Variants in QTMAN observed in about 807,000 individuals in gnomAD.
QTMAN encodes the protein tRNA-queuosine alpha-mannosyltransferase.
chr2:144,170,310 G>A, the QTMAN span, among the ~76,000 whole-genome samples: 1 of 152,152 alleles, frequency 6.6e-6, no homozygotes, highest in Non-Finnish European at 1.5e-5. Context: ...CAGTGTCCTG[G>A]ATGCTGGCAG....
the QTMAN span, among the ~76,000 whole-genome samples, chr2:144,274,502 G>A: frequency 6.6e-6 from 1 of 152,196 alleles, no homozygotes; most frequent in Admixed American, 6.5e-5. Flanking sequence ...GGGTCTGAAC[G>A]TTGATTGAGT....
At chr2:144,263,808 G>A in the QTMAN span, among the ~76,000 whole-genome samples, 2 of 152,096 alleles carry the variant, frequency 1.3e-5, no homozygotes, top group African/African-American at 4.8e-5. Flanking sequence ...AGTATTGCTT[G>A]AAATTCAACT....
the QTMAN span, among the ~76,000 whole-genome samples, chr2:143,973,091 A>C: frequency 6.6e-6 from 1 of 152,226 alleles, no homozygotes. Context: ...AGTAACAGTT[A>C]AGTGGTTACT....
At chr2:144,101,026 C>G in the QTMAN span, among the ~76,000 whole-genome samples, 1 of 151,968 alleles carries the variant, frequency 6.6e-6, no homozygotes, top group South Asian at 2.1e-4. Flanking sequence ...CCTGCCACCA[C>G]GCTGGCTAAT....
At chr2:144,133,205 T>G in the QTMAN span, among the ~76,000 whole-genome samples, 2 of 72,502 alleles carry the variant, frequency 2.8e-5, 1 homozygote, top group Non-Finnish European at 4.6e-5. Flanking sequence ...ATATATATAT[T>G]TATATATACA....
chr2:143,993,038 T>C, the QTMAN span, among the ~76,000 whole-genome samples: 1 of 152,260 alleles, frequency 6.6e-6, no homozygotes. Context: ...AATTTCTTTA[T>C]GTGAACTTTT....
the QTMAN span, among the ~76,000 whole-genome samples, chr2:144,087,869 A>T: frequency 6.6e-6 from 1 of 152,118 alleles, no homozygotes; most frequent in Non-Finnish European, 1.5e-5. Flanking sequence ...GCTGAAAGAA[A>T]GCCTTTCCTT....
At chr2:144,197,150 C>G in the QTMAN span, among the ~76,000 whole-genome samples, 1 of 152,050 alleles carries the variant, frequency 6.6e-6, no homozygotes, top group Non-Finnish European at 1.5e-5. Context: ...ATATCGTAGG[C>G]AACTATAACA....
the QTMAN span, among the ~76,000 whole-genome samples, chr2:144,307,159 T>TAAAAAAAAAAAAAAAAA: frequency 2.5e-5 from 1 of 40,466 alleles, no homozygotes; most frequent in Non-Finnish European, 4.0e-5. Flanking sequence ...GACTCCGTCT[T>TAAAAAAAAAAAAAAAAA]AAAAAAAAAA....
At chr2:144,262,822 G>A in the QTMAN span, among the ~76,000 whole-genome samples, 1 of 86,908 alleles carries the variant, frequency 1.2e-5, no homozygotes, top group African/African-American at 4.7e-5. Context: ...AGAGGGGAGA[G>A]GGGAGCAGGG....
the QTMAN span, among the ~76,000 whole-genome samples, chr2:144,299,133 A>G: frequency 6.6e-6 from 1 of 152,198 alleles, no homozygotes; most frequent in Non-Finnish European, 1.5e-5. Context: ...GTCAAGCATC[A>G]ATATCCTGTG....
chr2:144,090,342 G>A, the QTMAN span, among the ~76,000 whole-genome samples: 2 of 151,910 alleles, frequency 1.3e-5, no homozygotes, highest in East Asian at 1.9e-4. Context: ...TCTATTCAAC[G>A]TGATACTAGA....
At chr2:144,327,025 G>T in the QTMAN span, among the ~76,000 whole-genome samples, 1 of 152,144 alleles carries the variant, frequency 6.6e-6, no homozygotes, top group Non-Finnish European at 1.5e-5. Flanking sequence ...CTCAGGGAAA[G>T]CCTCTGACCT....
the QTMAN span, chr2:144,178,261 G>A: frequency 6.6e-6 from 1 of 152,128 alleles, no homozygotes; most frequent in East Asian, 1.9e-4. Context: ...TCCGTAAAAG[G>A]AGATTCTTCA....
At chr2:144,309,368 A>G in the QTMAN span, among the ~76,000 whole-genome samples, 1 of 152,214 alleles carries the variant, frequency 6.6e-6, no homozygotes, top group Non-Finnish European at 1.5e-5. Flanking sequence ...AAACGCCCCA[A>G]ATGTTCATGA....
At chr2:144,240,087 C>T in the QTMAN span, among the ~76,000 whole-genome samples, 1 of 152,082 alleles carries the variant, frequency 6.6e-6, no homozygotes, top group African/African-American at 2.4e-5. Context: ...GTTTAATGGG[C>T]CTAGTTAAAT....
At chr2:143,984,803 C>T in the QTMAN span, among the ~76,000 whole-genome samples, 2 of 152,138 alleles carry the variant, frequency 1.3e-5, no homozygotes, top group African/African-American at 4.8e-5. Flanking sequence ...TGGCTGAGCT[C>T]CAGGGAGAGA....
At chr2:144,125,431 C>T in the QTMAN span, among the ~76,000 whole-genome samples, 1 of 152,024 alleles carries the variant, frequency 6.6e-6, no homozygotes, top group Non-Finnish European at 1.5e-5. Context: ...TTACATTCTG[C>T]TTACCTCAAC....
At chr2:143,976,171 G>C in the QTMAN span, among the ~76,000 whole-genome samples, 2 of 151,500 alleles carry the variant, frequency 1.3e-5, no homozygotes, top group African/African-American at 4.8e-5. Flanking sequence ...TTTCTTTTAG[G>C]CAGTTTTTGA....
Sources: allele counts gnomAD v4.1 joint callset (sites outside exome capture counted in the v4.1 genomes callset), GRCh38; gene constraint gnomAD v4.1.1; transcripts MANE v1.5; gene names NCBI Gene and HGNC (gene_info 2026-07-23, HGNC 2026-07-21).